The following FSTL5 variants were observed in gnomAD, a reference collection of about 807,000 sequenced individuals.
FSTL5 encodes follistatin-related protein 5.
Under a neutral mutation model 89.1 loss-of-function variants are expected in FSTL5, and 62 were observed. The ratio of observed to expected loss-of-function variants is 0.70; its 90% CI spans 0.57 to 0.86. The LOEUF (loss-of-function observed/expected upper bound fraction) is 0.86. FSTL5 is among the 40% of genes least tolerant of loss of function. The pLI is 0.00. For synonymous variants in FSTL5, 383 were observed against 346.2 expected (o/e 1.11, Z -1.18); for missense variants, 1,057 against 1,001.6 (o/e 1.06, Z -0.75).
intron 6 of FSTL5, among the ~76,000 whole-genome samples, chr4:161,680,565 C>G (rs1323846860): frequency 1.3e-5 from 2 of 151,734 alleles, no homozygotes; most frequent in East Asian, 1.9e-4. Flanking sequence ...TTTGGAAGAA[C>G]AAGAATGTGG....
chr4:162,077,332 C>T (rs772207353), intron 2 of FSTL5, among the ~76,000 whole-genome samples: 7 of 151,832 alleles, frequency 4.6e-5, no homozygotes, highest in Non-Finnish European at 1.0e-4. Context: ...TACCCAAACA[C>T]CTCCTCAGAA....
At chr4:161,880,516 C>T (rs114794312) in intron 4 of FSTL5, among the ~76,000 whole-genome samples, 3 of 152,062 alleles carry the variant, frequency 2.0e-5, no homozygotes, top group Admixed American at 2.0e-4. Context: ...TTAACGTATA[C>T]TTTCTTGACC....
At chr4:161,388,687 T>C (rs1359378863) in intron 15 of FSTL5, among the ~76,000 whole-genome samples, 12 of 152,050 alleles carry the variant, frequency 7.9e-5, no homozygotes, top group Admixed American at 7.9e-4. Flanking sequence ...GTACATGAGC[T>C]CAGAGGAAAA....
chr4:161,767,716 C>T (rs1040240876), intron 5 of FSTL5, among the ~76,000 whole-genome samples: 1 of 152,078 alleles, frequency 6.6e-6, no homozygotes, highest in African/African-American at 2.4e-5. Flanking sequence ...TTACCAGAAT[C>T]GGTTACTGGT....
At chr4:161,393,147 G>A (rs1299500367) in intron 15 of FSTL5, among the ~76,000 whole-genome samples, 1 of 152,038 alleles carries the variant, frequency 6.6e-6, no homozygotes, top group Non-Finnish European at 1.5e-5. Context: ...CTGGGCAAAA[G>A]AGTGAGAATC....
rs189105567 is a variant in FSTL5, at chr4:161,985,102, G to A, written c.160+48523C>T. 4.2e-3 allele frequency among the ~76,000 whole-genome samples: 639 copies of A among 151,952 alleles called. 7 individuals carry two copies. The highest frequency in any genetic ancestry group is 0.014 in the African/African-American group (596 of 41,464). ...CTCCGGAGTAGTTGAGATTACAGGC[G>A]TGTGCCACCATGCCCAGCTAATTTT... On this transcript the variant is annotated intron_variant, in intron 3 of 15. Coordinates refer to ENST00000306100, the MANE Select transcript of FSTL5 (RefSeq NM_020116.5).
chr4:161,700,088 A>G (rs915355873), intron 6 of FSTL5, among the ~76,000 whole-genome samples: 5 of 152,336 alleles, frequency 3.3e-5, no homozygotes, highest in East Asian at 1.9e-4. Flanking sequence ...AGCAAAAAGT[A>G]TTAATGTAAT....
chr4:161,959,868 C>G (rs959057334), intron 3 of FSTL5, among the ~76,000 whole-genome samples: 4 of 152,056 alleles, frequency 2.6e-5, no homozygotes, highest in Non-Finnish European at 4.4e-5. Flanking sequence ...GAAGAATGAA[C>G]TATGCTTCAA....
At chr4:161,893,339 T>C (rs931296077) in intron 4 of FSTL5, among the ~76,000 whole-genome samples, 1 of 152,172 alleles carries the variant, frequency 6.6e-6, no homozygotes, top group African/African-American at 2.4e-5. Context: ...ATAATGGAAC[T>C]TCAAAGTCAT....
At chr4:161,866,215 C>T (rs1227065655) in intron 4 of FSTL5, among the ~76,000 whole-genome samples, 1 of 152,168 alleles carries the variant, frequency 6.6e-6, no homozygotes, top group African/African-American at 2.4e-5. Context: ...TATGAAATTA[C>T]TTTCTGGAAC....
chr4:161,890,205 C>T (rs1025778110), intron 4 of FSTL5, among the ~76,000 whole-genome samples: 4 of 152,010 alleles, frequency 2.6e-5, no homozygotes, highest in Admixed American at 2.6e-4. Context: ...AGTTCATATG[C>T]CATAATTTGC....
chr4:161,519,807 A>G (rs1413225104), intron 10 of FSTL5, among the ~76,000 whole-genome samples: 2 of 152,200 alleles, frequency 1.3e-5, no homozygotes, highest in African/African-American at 4.8e-5. Context: ...TAACTCACTC[A>G]TACTGTATCA....
intron 11 of FSTL5, 130 bp downstream of exon 11, chr4:161,510,268 T>C (rs1730608674): frequency 1.5e-6 from 1 of 664,112 alleles, no homozygotes; most frequent in Non-Finnish European, 2.6e-6. Flanking sequence ...CACAAAAATA[T>C]TGAAATACCA....
chr4:161,923,384 A>T (rs2110871451), intron 3 of FSTL5, among the ~76,000 whole-genome samples: 1 of 152,076 alleles, frequency 6.6e-6, no homozygotes, highest in South Asian at 2.1e-4. Flanking sequence ...CTTTAATGTA[A>T]AGTATAAAAA....
intron 4 of FSTL5, among the ~76,000 whole-genome samples, chr4:161,831,664 A>AT (rs942785356): frequency 2.1e-4 from 32 of 151,982 alleles, no homozygotes; most frequent in Admixed American, 1.8e-3. Context: ...ATTCTAATAT[A>AT]TTTTTCCACA....
chr4:161,890,637 G>C (rs370692412), intron 4 of FSTL5, among the ~76,000 whole-genome samples: 1 of 144,212 alleles, frequency 6.9e-6, no homozygotes, highest in Admixed American at 7.1e-5. Flanking sequence ...ACAGTGAGCC[G>C]AGATTGCACC....
Position 161,835,731 on chromosome 4 carries a change from A to C in FSTL5, c.410-59657T>G, listed in dbSNP as rs551617104. Reference sequence around the variant, plus strand: ...CTCATCATCACTGGCTATCAGACAAATGCAAATCAAAACCACAATGGGATA... The same window carrying C: ...CTCATCATCACTGGCTATCAGACAACTGCAAATCAAAACCACAATGGGATA... On this transcript the variant is annotated intron_variant, in intron 4 of 15. Coordinates refer to ENST00000306100, the MANE Select transcript of FSTL5 (RefSeq NM_020116.5). Among the ~76,000 whole-genome samples the C allele has an allele frequency of 1.4e-4, 22 of 152,366 alleles. No homozygotes were observed. In the South Asian group the frequency reaches 2.1e-3, roughly 14 times the overall value.
At chr4:161,865,282 A>G (rs1167314884) in intron 4 of FSTL5, among the ~76,000 whole-genome samples, 1 of 152,322 alleles carries the variant, frequency 6.6e-6, no homozygotes, top group East Asian at 1.9e-4. Flanking sequence ...TCTACAGAGA[A>G]ATAATTGTAA....
At position 162,055,207 on chromosome 4, in the gene FSTL5, G is replaced by C. The variant is rs1738498918; in HGVS notation, c.127-21549C>G. 2.0e-5 allele frequency among the ~76,000 whole-genome samples: 3 copies of C among 151,620 alleles called. 1 individual carries two copies. In the South Asian group the frequency reaches 6.2e-4, roughly 31 times the overall value. Reference sequence around the variant, plus strand: ...ACTTCTTTTTCATCTACTTTGTATAGAGTTTTGCCTGGTTGTGAGATTTAA... The same window carrying C: ...ACTTCTTTTTCATCTACTTTGTATACAGTTTTGCCTGGTTGTGAGATTTAA... On this transcript the variant is annotated intron_variant, in intron 2 of 15. Transcript: ENST00000306100.
Sources: gnomAD v4.1 joint callset for allele counts (sites outside exome capture counted in the v4.1 genomes callset) on GRCh38, gnomAD v4.1.1 for gene constraint, MANE v1.5 for transcripts, NCBI Gene and HGNC (gene_info 2026-07-23, HGNC 2026-07-21) for gene names.